The following BAZ2B variants were observed in gnomAD, a reference collection of about 807,000 sequenced individuals.
BAZ2B encodes the protein bromodomain adjacent to zinc finger domain 2B, also known as bromodomain adjacent to zinc finger domain protein 2B.
BAZ2B carries 91 observed loss-of-function variants against 246.0 expected under a neutral mutation model. The ratio of observed to expected loss-of-function variants is 0.37; its 90% confidence interval spans 0.31 to 0.44. The LOEUF is 0.44. Ranked by LOEUF, BAZ2B falls within the 20% of genes least tolerant of loss-of-function variation. The pLI is 1.00. For synonymous variants in BAZ2B, 855 were observed against 860.0 expected (o/e 0.99, Z 0.10); for missense variants, 2,332 against 2,533.7 (o/e 0.92, Z 1.71).
chr2:159,653,006 C>A, the BAZ2B span, among the ~76,000 whole-genome samples: 2 of 151,578 alleles, frequency 1.3e-5, no homozygotes, highest in Non-Finnish European at 2.9e-5. Flanking sequence ...GGTGCCATCT[C>A]AACTCACTGC....
chr2:159,678,109 G>A, the BAZ2B span, among the ~76,000 whole-genome samples: 5 of 152,182 alleles, frequency 3.3e-5, no homozygotes, highest in African/African-American at 1.2e-4. Flanking sequence ...GAAAAAATAA[G>A]GAGCATTTTT....
At chr2:159,441,612 T>C (rs2193923) in intron 6 of BAZ2B, among the ~76,000 whole-genome samples, 52,615 of 152,042 alleles carry the variant, frequency 0.35, 10,372 homozygotes, top group Non-Finnish European at 0.47. Flanking sequence ...TCTTTTCTCT[T>C]ATTTAAAATG....
intron 3 of BAZ2B, among the ~76,000 whole-genome samples, chr2:159,467,373 C>T (rs964176): frequency 0.33 from 50,203 of 152,042 alleles, 10,479 homozygotes; most frequent in Non-Finnish European, 0.48. Flanking sequence ...TTACCAAGAC[C>T]TAATTTATCT....
At chr2:159,679,845 T>C in the BAZ2B span, among the ~76,000 whole-genome samples, 2 of 152,208 alleles carry the variant, frequency 1.3e-5, no homozygotes, top group African/African-American at 4.8e-5. Flanking sequence ...GCCCAGGGCA[T>C]ACATCAAAAA....
rs113521854 is a variant in BAZ2B, at chr2:159,341,916, T to C, written c.5455-4144A>G. ...GCAATAAATGCCTACATCAATAAAG[T>C]AGAAATATTTCAAGTAAACAATCTA... is the stretch of plus-strand genomic sequence containing the variant. On this transcript the variant is annotated intron_variant, in intron 31 of 36. Coordinates refer to ENST00000392783, the MANE Select transcript of BAZ2B (RefSeq NM_013450.4). Among the ~76,000 whole-genome samples, 426 of 152,202 alleles carry C rather than the reference T, an allele frequency of 2.8e-3. 1 individual carries two copies. Among genetic ancestry groups the C allele is most frequent in the African/African-American group, 9.7e-3 (403 of 41,542 alleles).
At chr2:159,361,344 G>T (rs994167169) in intron 27 of BAZ2B, among the ~76,000 whole-genome samples, 1 of 152,078 alleles carries the variant, frequency 6.6e-6, no homozygotes, top group South Asian at 2.1e-4. Context: ...ACAAACATAT[G>T]AAAAAAAGCT....
the BAZ2B span, among the ~76,000 whole-genome samples, chr2:159,627,747 G>C: frequency 2.0e-5 from 3 of 152,112 alleles, no homozygotes; most frequent in African/African-American, 7.2e-5. Flanking sequence ...CATTGCCTTT[G>C]AAAACCAGCA....
chr2:159,334,684 T>C (rs186443732), intron 33 of BAZ2B, among the ~76,000 whole-genome samples: 27 of 152,102 alleles, frequency 1.8e-4, no homozygotes, highest in African/African-American at 5.5e-4. Flanking sequence ...TTAATAAGAG[T>C]AGATGAAGAA....
chr2:159,582,037 G>T (rs1400293576), intron 1 of BAZ2B, among the ~76,000 whole-genome samples: 1 of 146,576 alleles, frequency 6.8e-6, no homozygotes, highest in African/African-American at 2.5e-5. Flanking sequence ...CCTGCACGTT[G>T]TGCACATGTA....
At chr2:159,558,246 A>AATTT (rs1248262959) in intron 1 of BAZ2B, among the ~76,000 whole-genome samples, 68 of 151,988 alleles carry the variant, frequency 4.5e-4, no homozygotes, top group East Asian at 1.4e-3. Context: ...AGCAGGTAGA[A>AATTT]ATTTATTTAT....
intron 2 of BAZ2B, among the ~76,000 whole-genome samples, chr2:159,520,307 C>T (rs75646073): frequency 0.018 from 2,782 of 152,230 alleles, 36 homozygotes; most frequent in South Asian, 0.059. Context: ...CCTCCTGCCT[C>T]CCAGATTATG....
intron 1 of BAZ2B, among the ~76,000 whole-genome samples, chr2:159,566,986 A>G (rs1333638213): frequency 2.0e-5 from 3 of 151,972 alleles, no homozygotes; most frequent in Non-Finnish European, 4.4e-5. Flanking sequence ...GCTCACACCT[A>G]TAATCCCAGC....
At chr2:159,576,741 G>A (rs1044694478) in intron 1 of BAZ2B, among the ~76,000 whole-genome samples, 3 of 150,184 alleles carry the variant, frequency 2.0e-5, no homozygotes, top group South Asian at 2.1e-4. Context: ...GTGAAACCCC[G>A]TCTCTACTAA....
At chr2:159,542,079 A>G (rs909491486) in intron 2 of BAZ2B, among the ~76,000 whole-genome samples, 1 of 152,234 alleles carries the variant, frequency 6.6e-6, no homozygotes, top group Non-Finnish European at 1.5e-5. Context: ...ATGAGTAGGC[A>G]GAAGAAAAGA....
chr2:159,510,866 A>G (rs901752336), intron 2 of BAZ2B, among the ~76,000 whole-genome samples: 1 of 152,164 alleles, frequency 6.6e-6, no homozygotes, highest in Admixed American at 6.5e-5. Flanking sequence ...TTACTTACAT[A>G]TCACTCATTA....
At chr2:159,462,741 G>A (rs1436772143) in intron 3 of BAZ2B, 6 of 1,424,664 alleles carry the variant, frequency 4.2e-6, no homozygotes, top group Middle Eastern at 2.1e-4. Flanking sequence ...GATCTCCAAC[G>A]ACCATTCCAG....
chr2:159,417,912 T>C (rs2068048584), intron 13 of BAZ2B, among the ~76,000 whole-genome samples: 1 of 152,162 alleles, frequency 6.6e-6, no homozygotes, highest in African/African-American at 2.4e-5. Flanking sequence ...CAACTGTCCA[T>C]ATAAAAATTA....
At chr2:159,418,454 T>C (rs980787137) in intron 13 of BAZ2B, among the ~76,000 whole-genome samples, 13 of 152,180 alleles carry the variant, frequency 8.5e-5, no homozygotes, top group African/African-American at 3.1e-4. Context: ...CACATTTCAC[T>C]GAAAGCTAGG....
chr2:159,537,138 A>T (rs1482289024), intron 2 of BAZ2B, among the ~76,000 whole-genome samples: 1 of 152,224 alleles, frequency 6.6e-6, no homozygotes, highest in East Asian at 1.9e-4. Context: ...CATGATACTA[A>T]GTGAAACAAT....
Sources: gnomAD v4.1 joint callset for allele counts (sites outside exome capture counted in the v4.1 genomes callset) on GRCh38, gnomAD v4.1.1 for gene constraint, MANE v1.5 for transcripts, NCBI Gene and HGNC (gene_info 2026-07-23, HGNC 2026-07-21) for gene names.